The following CLCN5 variants were observed in gnomAD, a reference collection of about 807,000 sequenced individuals.
The protein encoded by CLCN5 is Cl-/H+ antiporter 5, also known as H(+)/Cl(-) exchange transporter 5.
In CLCN5, 17 loss-of-function variants were observed where a neutral mutation model predicts 54.0. That is an observed-to-expected ratio of 0.31 (90% CI 0.22 to 0.47). The LOEUF (loss-of-function observed/expected upper bound fraction) is 0.47, where lower values mean the gene tolerates loss of function less well. Among genes scored for constraint, CLCN5 ranks in the 20% least tolerant of loss-of-function variants. CLCN5 has a pLI of 1.00. For synonymous variants in CLCN5, 222 were observed against 233.0 expected (o/e 0.95, Z 0.43); for missense variants, 448 against 646.7 (o/e 0.69, Z 3.33).
intron 3 of CLCN5, among the ~76,000 whole-genome samples, chrX:49,981,879 CT>C (rs782040096): frequency 5.4e-5 from 6 of 110,965 alleles, no homozygotes; most frequent in Non-Finnish European, 1.1e-4. Flanking sequence ...ACCCAGTGTA[CT>C]TTTGCCTCTG....
intron 12 of CLCN5, among the ~76,000 whole-genome samples, chrX:50,089,325 A>G (rs1934003817): frequency 8.9e-6 from 1 of 112,284 alleles, no homozygotes; most frequent in South Asian, 3.7e-4. Flanking sequence ...TAAATTTGTA[A>G]TAATATGCAG....
rs1934340175 is a variant in CLCN5, at chrX:50,098,766, T to G, written c.*6547T>G. Reference sequence around the variant, plus strand: ...TCTTAGCTTTATTCTCGCCTGTTCCTAGGCATAGCCTGAACCAGAGCTATG... The same window carrying G: ...TCTTAGCTTTATTCTCGCCTGTTCCGAGGCATAGCCTGAACCAGAGCTATG... On this transcript the variant is annotated 3_prime_UTR_variant, in exon 15 of 15. Coordinates refer to ENST00000376091, the MANE Select transcript of CLCN5 (RefSeq NM_001127898.4). 8.8e-6 allele frequency: 1 copy of G among 113,074 alleles called. No homozygotes were observed. 9.3% of individuals were successfully genotyped at this position (113,074 alleles called of 1,213,427 possible).
intron 4 of CLCN5, among the ~76,000 whole-genome samples, chrX:50,043,623 G>C (rs1206895444): frequency 9.0e-6 from 1 of 111,133 alleles, no homozygotes; most frequent in African/African-American, 3.3e-5. Context: ...TTTCTAATAG[G>C]CTGATTATTT....
chrX:50,006,442 A>C (rs1930152667), intron 3 of CLCN5, among the ~76,000 whole-genome samples: 1 of 111,829 alleles, frequency 8.9e-6, no homozygotes, highest in Non-Finnish European at 1.9e-5. Context: ...TTCCTTTCAG[A>C]GAGCTTTTTG....
chrX:50,081,957 A>G, intron 9 of CLCN5, 110 bp downstream of exon 9: 1 of 673,293 alleles, frequency 1.5e-6, no homozygotes, highest in East Asian at 3.5e-5. Context: ...ACACCCTTTG[A>G]CCCAGCAATT....
chrX:49,935,476 G>A (rs1303855169), intron 3 of CLCN5, among the ~76,000 whole-genome samples: 1 of 112,191 alleles, frequency 8.9e-6, no homozygotes, highest in Non-Finnish European at 1.9e-5. Flanking sequence ...CATGATCCCT[G>A]CCCTCTTAAG....
intron 7 of CLCN5, among the ~76,000 whole-genome samples, chrX:50,077,402 T>C (rs1344834142): frequency 1.8e-5 from 2 of 109,437 alleles, no homozygotes; most frequent in African/African-American, 6.7e-5. Flanking sequence ...GAATTTTTTT[T>C]CAAAAATTAT....
intron 3 of CLCN5, among the ~76,000 whole-genome samples, chrX:49,931,579 A>G (rs1359786732): frequency 9.0e-6 from 1 of 111,188 alleles, no homozygotes; most frequent in Non-Finnish European, 1.9e-5. Context: ...TCCAAACAGT[A>G]TAATATCTGG....
At chrX:49,948,187 T>G (rs1926853706) in intron 3 of CLCN5, among the ~76,000 whole-genome samples, 1 of 109,246 alleles carries the variant, frequency 9.2e-6, no homozygotes, top group Admixed American at 9.8e-5. Flanking sequence ...TTTTTAATTA[T>G]AGAAGTAACA....
chrX:50,074,662 C>T (rs1396915411), intron 6 of CLCN5, among the ~76,000 whole-genome samples: 3 of 112,221 alleles, frequency 2.7e-5, no homozygotes, highest in Non-Finnish European at 5.6e-5. Flanking sequence ...ACATGGCTTC[C>T]CGCCCGTTGG....
At position 50,090,151 on chromosome X, in the gene CLCN5, A is replaced by G; in HGVS notation, c.1780A>G (p.Ile594Val). 1 of 1,211,011 alleles carries G rather than the reference A, an allele frequency of 8.3e-7. No homozygotes were observed. Among genetic ancestry groups the G allele is most frequent in the Non-Finnish European group, 1.1e-6 (1 of 895,072 alleles). The change falls in exon 13 of 15, where the codon ATA becomes GTA. Residue 594 changes from isoleucine (I) to valine (V), a missense_variant. Physicochemically the swap from Ile to Val is conservative, Grantham distance 29. This residue lies in a region of CLCN5 where 297 missense variants were observed against 470.4 expected (regional missense o/e 0.63). Transcript: ENST00000376091. ...TCGGATGACTGTTTCTCTTGTTGTC[A>G]TAATGTTTGAACTGACTGGTGGCTT... Reference protein sequence around the residue: ...VTRMTVSLVVIMFELTGGLEY... With the variant: ...VTRMTVSLVVVMFELTGGLEY...
At chrX:50,075,736 A>C in intron 6 of CLCN5, 59 bp from the exon 7 acceptor site, 1 of 1,062,683 alleles carries the variant, frequency 9.4e-7, no homozygotes, top group Non-Finnish European at 1.3e-6. Context: ...CTGATGACCA[A>C]AGAACAGTTT....
At chrX:49,939,227 T>C (rs1557170274) in intron 3 of CLCN5, among the ~76,000 whole-genome samples, 2 of 111,302 alleles carry the variant, frequency 1.8e-5, no homozygotes, top group African/African-American at 6.6e-5. Context: ...GAAGTCAGTG[T>C]GGCGATTCCT....
At chrX:50,067,680 C>T in intron 4 of CLCN5, 1 of 753,788 alleles carries the variant, frequency 1.3e-6, no homozygotes, top group Non-Finnish European at 1.6e-6. Context: ...TTTGTAAAAG[C>T]TCCCCAACCT....
intron 4 of CLCN5, chrX:50,068,075 T>C (rs1197539863): frequency 8.9e-6 from 1 of 112,102 alleles, no homozygotes; most frequent in African/African-American, 3.2e-5. Context: ...ATTTTTAAAA[T>C]CAGTTTCACA....
chrX:49,951,694 G>A (rs1166354010), intron 3 of CLCN5, among the ~76,000 whole-genome samples: 2 of 111,956 alleles, frequency 1.8e-5, no homozygotes, highest in African/African-American at 6.5e-5. Context: ...TGAGCTGGTT[G>A]GAGAAAGATG....
chrX:50,006,584 TGGAAA>T, intron 3 of CLCN5, among the ~76,000 whole-genome samples: 1 of 111,791 alleles, frequency 8.9e-6, no homozygotes, highest in Non-Finnish European at 1.9e-5. Context: ...TTCAAGGGGC[TGGAAA>T]AGGGGAGCTT....
intron 3 of CLCN5, among the ~76,000 whole-genome samples, chrX:49,972,195 T>C (rs1557176325): frequency 9.4e-6 from 1 of 106,172 alleles, no homozygotes; most frequent in Non-Finnish European, 1.9e-5. Flanking sequence ...TAAAGGTACA[T>C]ACCTCATGGC....
intron 3 of CLCN5, among the ~76,000 whole-genome samples, chrX:49,984,974 T>C (rs1487002934): frequency 9.1e-6 from 1 of 109,880 alleles, no homozygotes; most frequent in East Asian, 2.8e-4. Context: ...GTACTTGGGC[T>C]GTTTTTTTTT....
Sources: gnomAD v4.1 joint callset for allele counts (sites outside exome capture counted in the v4.1 genomes callset) on GRCh38, gnomAD v4.1.1 for gene constraint, gnomAD v4.1.1 regional missense constraint, MANE v1.5 for transcripts, NCBI Gene and HGNC (gene_info 2026-07-23, HGNC 2026-07-21) for gene names.